OR4C11: variants seen among roughly 807,000 people sequenced by gnomAD.
The protein encoded by OR4C11 is olfactory receptor family 4 subfamily C member 11.
A neutral mutation model predicts 14.7 loss-of-function variants in OR4C11; 15 were observed. The observed-to-expected ratio is 1.02, with a 90% confidence interval of 0.68 to 1.58. The LOEUF (loss-of-function observed/expected upper bound fraction) is 1.58, where lower values mean the gene tolerates loss of function less well. OR4C11 is among the 40% of genes most tolerant of loss of function. OR4C11 has a pLI of 0.00. For synonymous variants in OR4C11, 146 were observed against 135.0 expected, an observed-to-expected ratio of 1.08 and a Z score of -0.57; for missense variants, 473 against 383.0, an observed-to-expected ratio of 1.24 and a Z score of -1.96.
Position 55,604,334 on chromosome 11 carries a change from C to A in OR4C11, c.40G>T (p.Gly14Ter). 7.1e-7 allele frequency: 1 copy of A among 1,404,314 alleles called. No homozygotes were observed. Among genetic ancestry groups the A allele is most frequent in the Non-Finnish European group, 9.7e-7 (1 of 1,034,722 alleles). The allele number at this position is 1,404,314 out of a possible 1,614,324, so 87.0% of individuals were successfully genotyped here. Reference protein sequence around the residue: ...NNSVPEFILLGLTQDPLRQKI... With the variant: ...NNSVPEFILL ...TGCCTCAAGGGATCCTGTGTTAATC[C>A]TAACAGTATGAATTCAGGCACACTG... Residue 14 changes from glycine to a stop codon, truncating the protein, a stop_gained, in exon 4 of 4, where the codon GGA becomes TGA. Coordinates refer to ENST00000641580, the MANE Select transcript of OR4C11 (RefSeq NM_001004700.3). LOFTEE classifies it high-confidence loss of function.
At position 55,604,067 on chromosome 11, in the gene OR4C11, G is replaced by A; in HGVS notation, c.307C>T (p.His103Tyr). 1.3e-6 allele frequency: 2 copies of A among 1,487,120 alleles called. No homozygotes were observed. The highest frequency in any genetic ancestry group is 1.4e-5 in the African/African-American group (1 of 72,834). The allele number at this position is 1,487,120 out of a possible 1,614,324, so 92.1% of individuals were successfully genotyped here. ...NECMTQVFAL[H>Y]LFGCMEIFVL... ...AAGATCTCCATGCAGCCAAATAAAT[G>A]TAGTGCAAAGACTTGTGTCATGCAC... The change falls in exon 4 of 4, where the codon CAT becomes TAT. Residue 103 changes from histidine to tyrosine, a missense_variant. Physicochemically the swap from His to Tyr is moderately conservative, Grantham distance 83 (BLOSUM62 2). Transcript: ENST00000641580.
rs1857978303 is a variant in OR4C11, at chr11:55,607,544, C to G, written c.-622G>C. 2 of 138,194 alleles carry G rather than the reference C, an allele frequency of 1.4e-5. 1 individual carries two copies. Among genetic ancestry groups the G allele is most frequent in the African/African-American group, 5.0e-5 (2 of 39,772 alleles). 8.6% of individuals were successfully genotyped at this position (138,194 alleles called of 1,614,324 possible). On this transcript the variant is annotated 5_prime_UTR_variant, in exon 1 of 4. Transcript: ENST00000641580. ...CTATATTAGGATGTTCAATTGCCCT[C>G]TTTTCTTCCCAATATAATTTGGAGG... is the stretch of plus-strand genomic sequence containing the variant.
In OR4C11 at chr11:55,604,111, T is replaced by C. The variant is rs773966871; in HGVS notation, c.263A>G (p.Lys88Arg). 1.3e-5 allele frequency: 20 copies of C among 1,483,066 alleles called. 5 individuals are homozygous for C. Among genetic ancestry groups the C allele is most frequent in the Non-Finnish European group, 1.7e-5 (18 of 1,090,490 alleles). 91.9% of individuals were successfully genotyped at this position (1,483,066 alleles called of 1,614,324 possible). ...RLIVDALSEKKIITYNECMTQ... is the reference protein window; with the variant it reads ...RLIVDALSEKRIITYNECMTQ... ...CATGCACTCATTGTAGGTTATAATTTTCTTTTCAGAGAGAGCATCCACAAT... is the reference window on the plus strand; with the variant it reads ...CATGCACTCATTGTAGGTTATAATTCTCTTTTCAGAGAGAGCATCCACAAT... Residue 88 changes from lysine to arginine, a missense_variant, in exon 4 of 4, where the codon AAA becomes AGA. By Grantham distance (26) the Lys-to-Arg change is conservative (BLOSUM62 2). Coordinates refer to ENST00000641580, the MANE Select transcript of OR4C11 (RefSeq NM_001004700.3).
chr11:55,603,401 C>G lies in OR4C11; in HGVS notation c.*40G>C. 1 of 1,003,186 alleles carries G rather than the reference C, an allele frequency of 1.0e-6. No homozygotes were observed. The allele number at this position is 1,003,186 out of a possible 1,614,324, so 62.1% of individuals were successfully genotyped here. On this transcript the variant is annotated 3_prime_UTR_variant, in exon 4 of 4. Coordinates refer to ENST00000641580, the MANE Select transcript of OR4C11 (RefSeq NM_001004700.3). ...GCTGTCTATACTTACTCTGTTAAATCATGATTTGACTGAAAAAGTAATCAG... is the reference window on the plus strand; with the variant it reads ...GCTGTCTATACTTACTCTGTTAAATGATGATTTGACTGAAAAAGTAATCAG...
chr11:55,602,703 C>A lies in OR4C11; in HGVS notation c.*738G>T, dbSNP rs1279706077. ...AGATCATACCATTTTTGGTTTCAAC[C>A]ATGTTCTACCCTTCTGCACTTCAGG... On this transcript the variant is annotated 3_prime_UTR_variant, in exon 4 of 4. Coordinates refer to ENST00000641580, the MANE Select transcript of OR4C11 (RefSeq NM_001004700.3). 3 of 138,534 alleles carry A rather than the reference C, an allele frequency of 2.2e-5. No individual in the cohort carries two copies. Among genetic ancestry groups the A allele is most frequent in the Non-Finnish European group, 3.2e-5 (2 of 62,198 alleles). The allele number at this position is 138,534 out of a possible 1,614,324, so 8.6% of individuals were successfully genotyped here.
At position 55,605,748 on chromosome 11, in the gene OR4C11, C is replaced by A. The variant is rs549304176; in HGVS notation, c.-206-461G>T. 1.0e-4 allele frequency among the ~76,000 whole-genome samples: 14 copies of A among 138,428 alleles called. 2 individuals carry two copies. The South Asian group carries it at 2.6e-3, about 25-fold the overall frequency. The allele number at this position is 138,428 out of a possible 152,430, so 90.8% of individuals were successfully genotyped here. On this transcript the variant is annotated intron_variant, in intron 2 of 3. Transcript: ENST00000641580. Reference sequence around the variant, plus strand: ...AACCCATCTTAAAAGAGACTGTTCTCCTTATTATAAAGATTATGCCTCTGG... The same window carrying A: ...AACCCATCTTAAAAGAGACTGTTCTACTTATTATAAAGATTATGCCTCTGG...
rs138409230 is a variant in OR4C11 at position 55,603,927 on chromosome 11, C to T, written c.447G>A (p.Gly149=). ...TCTGAGCTGTAGAGTGTATTAAAGA[C>T]CCTATCCAGGCAAGAACAATCAGGA... ...CIILIVLAWI[G]SLIHSTAQII... The change falls in exon 4 of 4, where the codon GGG becomes GGA. Residue 149 remains glycine, a synonymous_variant. Transcript: ENST00000641580. 1.1e-5 allele frequency: 17 copies of T among 1,486,726 alleles called. 4 individuals are homozygous for T. In the African/African-American group the frequency reaches 1.9e-4, roughly 17 times the overall value. 92.1% of individuals were successfully genotyped at this position (1,486,726 alleles called of 1,614,324 possible).
At position 55,604,009 on chromosome 11, in the gene OR4C11, A is replaced by T; in HGVS notation, c.365T>A (p.Val122Glu). The change falls in exon 4 of 4, where the codon GTG (valine) becomes GAG (glutamate). Residue 122 changes from valine (V) to glutamate (E), a missense_variant. By Grantham distance (121) the Val-to-Glu change is moderately radical (BLOSUM62 -2). Coordinates refer to ENST00000641580, the MANE Select transcript of OR4C11 (RefSeq NM_001004700.3). ...VLILMAVDRY[V>E]AICKPLRYPT... is the part of the protein sequence containing the mutation. ...GTAACGCAAGGGCTTACAGATGGCC[A>T]CATAGCGATCAACAGCCATGAGAAT... 6.7e-7 allele frequency: 1 copy of T among 1,489,188 alleles called. No individual in the cohort carries two copies. The allele number at this position is 1,489,188 out of a possible 1,614,324, so 92.2% of individuals were successfully genotyped here.
At position 55,604,089 on chromosome 11, in the gene OR4C11, G is replaced by T; in HGVS notation, c.285C>A (p.Cys95Ter). 6.7e-7 allele frequency: 1 copy of T among 1,486,320 alleles called. No individual in the cohort carries two copies. Among genetic ancestry groups the T allele is most frequent in the Non-Finnish European group, 9.2e-7 (1 of 1,091,952 alleles). 92.1% of individuals were successfully genotyped at this position (1,486,320 alleles called of 1,614,324 possible). A position where few individuals can be genotyped will look rare whatever the true frequency, so the allele number is the denominator to read the frequency against. Residue 95 changes from cysteine to a stop codon, truncating the protein, a stop_gained, in exon 4 of 4, where the codon TGC becomes TGA. Transcript: ENST00000641580. LOFTEE classifies it high-confidence loss of function. ...AATGTAGTGCAAAGACTTGTGTCAT[G>T]CACTCATTGTAGGTTATAATTTTCT... The part of the protein sequence containing the change: ...SEKKIITYNE[C>*]MTQVFALHLF...
In OR4C11 at chr11:55,603,473, G is replaced by A. The variant is rs146209820; in HGVS notation, c.901C>T (p.His301Tyr). 3 of 1,457,154 alleles carry A rather than the reference G, an allele frequency of 2.1e-6. 1 individual carries two copies. The highest frequency in any genetic ancestry group is 2.8e-6 in the Non-Finnish European group (3 of 1,076,382). 90.3% of individuals were successfully genotyped at this position (1,457,154 alleles called of 1,614,324 possible). Residue 301 changes from histidine to tyrosine, a missense_variant, in exon 4 of 4, where the codon CAT (histidine) becomes TAT (tyrosine). By Grantham distance (83) the His-to-Tyr change is moderately conservative. Transcript: ENST00000641580. ...TTGTTTTCTGAAATAATTTTGCCAT[G>A]CCATAACTTTCTCATGGCATTTTTC... ...EVKNAMRKLWHGKIISENKG is the reference protein window; with the variant it reads ...EVKNAMRKLWYGKIISENKG
chr11:55,602,516 G>A lies in OR4C11; in HGVS notation c.*925C>T, dbSNP rs1198877001. 7.2e-6 allele frequency: 1 copy of A among 137,956 alleles called. No homozygotes were observed. Among genetic ancestry groups the A allele is most frequent in the Non-Finnish European group, 1.6e-5 (1 of 62,104 alleles). 8.5% of individuals were successfully genotyped at this position (137,956 alleles called of 1,614,324 possible). On this transcript the variant is annotated 3_prime_UTR_variant, in exon 4 of 4. Coordinates refer to ENST00000641580, the MANE Select transcript of OR4C11 (RefSeq NM_001004700.3). ...CAATTCTAACTTGTGATTCTATGCA[G>A]CCCCAATTATTAGGACAGAATAAAT... is the stretch of plus-strand genomic sequence containing the variant.
At chr11:55,606,164 A>C (rs1472491077) in intron 2 of OR4C11, among the ~76,000 whole-genome samples, 3 of 137,736 alleles carry the variant, frequency 2.2e-5, no homozygotes, top group African/African-American at 7.6e-5. Flanking sequence ...AACATTAATA[A>C]GAATGAAGCA....
At chr11:55,605,672 T>C (rs1857951535) in intron 2 of OR4C11, among the ~76,000 whole-genome samples, 1 of 138,438 alleles carries the variant, frequency 7.2e-6, no homozygotes. Context: ...TGTAAATTGA[T>C]TTCACAGATA....
chr11:55,603,486 C>G lies in OR4C11; in HGVS notation c.888G>C (p.Met296Ile). The G allele has an allele frequency of 6.8e-7, 1 of 1,470,014 alleles. No individual in the cohort carries two copies. Among genetic ancestry groups the G allele is most frequent in the East Asian group, 2.6e-5 (1 of 38,570 alleles). 91.1% of individuals were successfully genotyped at this position (1,470,014 alleles called of 1,614,324 possible). ...TLRNAEVKNA[M>I]RKLWHGKIIS... ...TAATTTTGCCATGCCATAACTTTCT[C>G]ATGGCATTTTTCACTTCTGCATTCC... Residue 296 changes from methionine (M) to isoleucine (I), a missense_variant, in exon 4 of 4, where the codon ATG becomes ATC. Transcript: ENST00000641580.
At position 55,604,607 on chromosome 11, in the gene OR4C11, C is replaced by T. The variant is rs1024591715; in HGVS notation, c.-44-190G>A. 1.5e-5 allele frequency among the ~76,000 whole-genome samples: 2 copies of T among 137,064 alleles called. 1 individual carries two copies. The highest frequency in any genetic ancestry group is 3.2e-5 in the Non-Finnish European group (2 of 61,846). 89.9% of individuals were successfully genotyped at this position (137,064 alleles called of 152,430 possible). On this transcript the variant is annotated intron_variant, in intron 3 of 3. Transcript: ENST00000641580. ...TATTATTATTTTTGAAACAGAATGT[C>T]GCTCTGTCCTCTAGGCTGGACTGCA...
rs1857901344 is a variant in OR4C11 at position 55,602,850 on chromosome 11, C to T, written c.*591G>A. Reference sequence around the variant, plus strand: ...TTGATATACTGAGTTAGTTCCTTTTCCCTAGAAGTGTTCAGGAGGAAGCTT... The same window carrying T: ...TTGATATACTGAGTTAGTTCCTTTTTCCTAGAAGTGTTCAGGAGGAAGCTT... On this transcript the variant is annotated 3_prime_UTR_variant, in exon 4 of 4. Transcript: ENST00000641580. The T allele has an allele frequency of 7.2e-6, 1 of 138,934 alleles. No homozygotes were observed. Among genetic ancestry groups the T allele is most frequent in the African/African-American group, 2.5e-5 (1 of 40,056 alleles). The allele number at this position is 138,934 out of a possible 1,614,324, so 8.6% of individuals were successfully genotyped here.
Position 55,606,577 on chromosome 11 carries a change from C to A in OR4C11, c.-262G>T, listed in dbSNP as rs1384903554. The A allele has an allele frequency of 7.2e-6, 1 of 138,448 alleles. No individual in the cohort carries two copies. The highest frequency in any genetic ancestry group is 7.9e-5 in the Admixed American group (1 of 12,710). 8.6% of individuals were successfully genotyped at this position (138,448 alleles called of 1,614,324 possible). A position where few individuals can be genotyped will look rare whatever the true frequency, so the allele number is the denominator to read the frequency against. On this transcript the variant is annotated 5_prime_UTR_variant, in exon 2 of 4. Transcript: ENST00000641580. The stretch of plus-strand genomic sequence containing the variant: ...ATGGCATATCCCTGAGCCATCACAA[C>A]TGTCTTGTTGTAGACAGGAATTCTA...
At chr11:55,605,979 A>G (rs1450656291) in intron 2 of OR4C11, among the ~76,000 whole-genome samples, 1 of 138,498 alleles carries the variant, frequency 7.2e-6, no homozygotes, top group African/African-American at 2.5e-5. Context: ...TTCAGTATCT[A>G]TTATATGACA....
At chr11:55,604,473 G>A (rs111812884) in intron 3 of OR4C11, 56 bp from the exon 4 acceptor site, 4 of 499,668 alleles carry the variant, frequency 8.0e-6, no homozygotes, top group African/African-American at 7.8e-5. Context: ...ACATATTCTT[G>A]CAATGAAATT....
Sources: allele counts gnomAD v4.1 joint callset (sites outside exome capture counted in the v4.1 genomes callset), GRCh38; gene constraint gnomAD v4.1.1; transcripts MANE v1.5; gene names NCBI Gene and HGNC (gene_info 2026-07-23, HGNC 2026-07-21).